Variants in CHD6 observed in about 807,000 individuals in gnomAD.
The protein encoded by CHD6 is chromodomain helicase DNA binding protein 6, also known as ATP-dependent chromatin remodeler CHD6.
A neutral mutation model predicts 276.9 loss-of-function variants in CHD6; 50 were observed. That is an observed-to-expected ratio of 0.18 (90% CI 0.14 to 0.23). The LOEUF is 0.23. Ranked by LOEUF, CHD6 falls within the 10% of genes least tolerant of loss-of-function variation. The pLI, the probability that CHD6 is intolerant of heterozygous loss-of-function variation, is 1.00. For missense variants in CHD6, 2,564 were observed against 3,365.8 expected (o/e 0.76, Z 5.89); for synonymous variants, 1,173 against 1,229.3 (o/e 0.95, Z 0.96).
rs1202474865 is a variant in CHD6 at position 41,420,894 on chromosome 20, T to C, written c.5741A>G (p.Lys1914Arg). 6.2e-7 allele frequency: 1 copy of C among 1,614,056 alleles called. No homozygotes were observed. The highest frequency in any genetic ancestry group is 8.5e-7 in the Non-Finnish European group (1 of 1,180,038). Residue 1914 changes from lysine to arginine, a missense_variant, in exon 31 of 37, where the codon AAA becomes AGA. By Grantham distance (26) the Lys-to-Arg change is conservative (BLOSUM62 2). Coordinates refer to ENST00000373233, the MANE Select transcript of CHD6 (RefSeq NM_032221.5). ...KNQGFQDETK[K>R]GSLEVANQTP... is the part of the protein sequence containing the mutation. ...CTGGTTTGCCACCTCTAAGCTTCCT[T>C]TCTTGGTTTCATCTTGGAAGCCTTG...
chr20:41,452,695 G>T lies in CHD6; in HGVS notation c.3323+45C>A, dbSNP rs766358438. ...ATCTCAGGGACTGAAAAACAGAGGG[G>T]AACAAACAACAATAACAACAAAACT... On this transcript the variant is annotated intron_variant, in intron 21 of 36. Transcript: ENST00000373233. This position sits in a 1 kb window ranked among gnomAD's most constrained non-coding sequence, Gnocchi z 4.2. The T allele has an allele frequency of 6.5e-7, 1 of 1,550,092 alleles. No individual in the cohort carries two copies. Among genetic ancestry groups the T allele is most frequent in the Non-Finnish European group, 8.8e-7 (1 of 1,130,012 alleles).
intron 23 of CHD6, among the ~76,000 whole-genome samples, chr20:41,448,802 AACAC>A (rs2048148308): frequency 1.3e-5 from 2 of 152,216 alleles, no homozygotes; most frequent in Non-Finnish European, 2.9e-5. Context: ...TGTAGGTGGA[AACAC>A]ACAAAGTTAG....
intron 17 of CHD6, among the ~76,000 whole-genome samples, chr20:41,462,140 T>C (rs2042815689): frequency 6.6e-6 from 1 of 152,306 alleles, no homozygotes; most frequent in East Asian, 1.9e-4. Flanking sequence ...GTAGAGTGTA[T>C]ATAAACATAT....
chr20:41,555,515 G>A (rs1224667910), intron 1 of CHD6, among the ~76,000 whole-genome samples: 8 of 151,226 alleles, frequency 5.3e-5, no homozygotes, highest in African/African-American at 1.9e-4. Context: ...CTTCTCAGAT[G>A]GGGCTCCTCA....
At chr20:41,597,890 C>T (rs2045734497) in intron 1 of CHD6, among the ~76,000 whole-genome samples, 1 of 152,152 alleles carries the variant, frequency 6.6e-6, no homozygotes, top group African/African-American at 2.4e-5. Context: ...TGGAAATTCT[C>T]AGACTGGGCA....
intron 5 of CHD6, among the ~76,000 whole-genome samples, chr20:41,510,664 G>A (rs940742594): frequency 6.6e-6 from 1 of 152,172 alleles, no homozygotes; most frequent in Non-Finnish European, 1.5e-5. Context: ...CTGTTAGTTA[G>A]ATCAGCTACT....
chr20:41,595,890 G>A (rs569539839), intron 1 of CHD6, among the ~76,000 whole-genome samples: 65 of 152,030 alleles, frequency 4.3e-4, no homozygotes, highest in Non-Finnish European at 7.4e-4. Flanking sequence ...TCTCCCAGGA[G>A]GAAATAGACT....
At chr20:41,489,065 C>T (rs1010969175) in intron 12 of CHD6, among the ~76,000 whole-genome samples, 11 of 152,114 alleles carry the variant, frequency 7.2e-5, no homozygotes, top group African/African-American at 2.7e-4. Context: ...GCACCTAAGA[C>T]AAGCGCTACT....
chr20:41,413,240 T>A, intron 35 of CHD6, 84 bp downstream of exon 35: 1 of 1,090,892 alleles, frequency 9.2e-7, no homozygotes, highest in Non-Finnish European at 1.3e-6. Flanking sequence ...ACTTCCTGGT[T>A]GCCCTCAGCA....
chr20:41,570,934 C>G (rs1568709376), intron 1 of CHD6, among the ~76,000 whole-genome samples: 1 of 152,110 alleles, frequency 6.6e-6, no homozygotes, highest in Non-Finnish European at 1.5e-5. Flanking sequence ...TTGGTAGATT[C>G]CTTAGCTTCT....
intron 1 of CHD6, among the ~76,000 whole-genome samples, chr20:41,557,847 C>T (rs1214003256): frequency 6.6e-6 from 1 of 152,114 alleles, no homozygotes; most frequent in Non-Finnish European, 1.5e-5. Context: ...ATGAGACCCA[C>T]CTCAAATTTT....
intron 1 of CHD6, among the ~76,000 whole-genome samples, chr20:41,593,907 C>T (rs1175133161): frequency 6.6e-6 from 1 of 151,428 alleles, no homozygotes; most frequent in Non-Finnish European, 1.5e-5. Context: ...ATTGTGAGAA[C>T]GTAATTTCTA....
chr20:41,584,052 C>G (rs999266338), intron 1 of CHD6, among the ~76,000 whole-genome samples: 1 of 152,004 alleles, frequency 6.6e-6, no homozygotes, highest in Non-Finnish European at 1.5e-5. Context: ...ACAGTCTATA[C>G]ATACCAGTTA....
At chr20:41,428,404 TGC>T (rs2047432439) in intron 27 of CHD6, among the ~76,000 whole-genome samples, 1 of 152,222 alleles carries the variant, frequency 6.6e-6, no homozygotes, top group Non-Finnish European at 1.5e-5. Flanking sequence ...GTCTAATGTG[TGC>T]TACCTCAATT....
At position 41,404,347 on chromosome 20, in the gene CHD6, T is replaced by C; in HGVS notation, c.*246A>G. The C allele has an allele frequency of 3.3e-6, 4 of 1,214,786 alleles. No homozygotes were observed. Among genetic ancestry groups the C allele is most frequent in the Non-Finnish European group, 3.1e-6 (3 of 975,058 alleles). The allele number at this position is 1,214,786 out of a possible 1,614,324, so 75.3% of individuals were successfully genotyped here. ...CAAGTACTGTATTAACTATGATTGC[T>C]GGAATGAACTGGATAACAGAATGAG... On this transcript the variant is annotated 3_prime_UTR_variant, in exon 37 of 37. Transcript: ENST00000373233.
At chr20:41,497,119 C>T in intron 8 of CHD6, 1 of 386,764 alleles carries the variant, frequency 2.6e-6, no homozygotes, top group South Asian at 3.1e-5. Context: ...GTGCGTATTC[C>T]TCTCACTCTA....
At chr20:41,512,747 G>T in intron 5 of CHD6, 99 bp downstream of exon 5, 1 of 1,368,144 alleles carries the variant, frequency 7.3e-7, no homozygotes, top group Non-Finnish European at 1.0e-6. Context: ...CAGTTAAAAT[G>T]ATCTGACTTA....
intron 1 of CHD6, among the ~76,000 whole-genome samples, chr20:41,602,391 T>C (rs1037575038): frequency 1.3e-5 from 2 of 152,174 alleles, no homozygotes; most frequent in African/African-American, 2.4e-5. Context: ...AGCCCCTTGG[T>C]TGACCACCAG....
At chr20:41,553,242 C>T (rs544311055) in intron 1 of CHD6, among the ~76,000 whole-genome samples, 6 of 152,308 alleles carry the variant, frequency 3.9e-5, no homozygotes, top group South Asian at 2.1e-4. Flanking sequence ...ATAAGACATA[C>T]GTGTAGAAAG....
Sources: gnomAD v4.1 joint callset for allele counts (sites outside exome capture counted in the v4.1 genomes callset) on GRCh38, gnomAD v4.1.1 for gene constraint, Gnocchi (gnomAD v3.1) non-coding constraint, MANE v1.5 for transcripts, NCBI Gene and HGNC (gene_info 2026-07-23, HGNC 2026-07-21) for gene names.